The following CTSS variants were observed in gnomAD, a reference collection of about 807,000 sequenced individuals.
CTSS encodes the protein cathepsin S.
Under a neutral mutation model 39.9 loss-of-function variants are expected in CTSS, and 15 were observed. That is an observed-to-expected ratio of 0.38 (90% CI 0.25 to 0.58). The LOEUF is 0.58. Among genes scored for constraint, CTSS ranks in the 20% least tolerant of loss-of-function variants. The pLI is 0.70. For missense variants in CTSS, 250 were observed against 398.2 expected (o/e 0.63, Z 3.17); for synonymous variants, 126 against 138.2 (o/e 0.91, Z 0.62).
intron 4 of CTSS, among the ~76,000 whole-genome samples, chr1:150,754,515 C>T (rs2101922403): frequency 6.6e-6 from 1 of 151,302 alleles, no homozygotes; most frequent in African/African-American, 2.4e-5. Flanking sequence ...GCAACCTCTG[C>T]CTCCCAGGTT....
intron 7 of CTSS, among the ~76,000 whole-genome samples, chr1:150,733,413 T>C (rs189794717): frequency 6.6e-5 from 10 of 152,232 alleles, no homozygotes; most frequent in African/African-American, 2.4e-4. Flanking sequence ...CCTCCTACTT[T>C]GCAAATATGC....
At chr1:150,755,357 G>A (rs1168440899) in intron 3 of CTSS, among the ~76,000 whole-genome samples, 1 of 152,152 alleles carries the variant, frequency 6.6e-6, no homozygotes, top group Non-Finnish European at 1.5e-5. Flanking sequence ...TGTACTGAAG[G>A]TTGTAGGCAA....
At chr1:150,761,575 T>C (rs764344257) in intron 2 of CTSS, among the ~76,000 whole-genome samples, 2 of 150,452 alleles carry the variant, frequency 1.3e-5, no homozygotes, top group African/African-American at 2.4e-5. Flanking sequence ...CTACTAAAAA[T>C]ACAAAATTAC....
intron 7 of CTSS, among the ~76,000 whole-genome samples, chr1:150,746,563 A>G (rs1484868208): frequency 1.3e-5 from 2 of 152,176 alleles, no homozygotes; most frequent in African/African-American, 2.4e-5. Context: ...TCCAGTATGC[A>G]TAGGACATTT....
chr1:150,756,101 T>A (rs1014927237), intron 3 of CTSS, among the ~76,000 whole-genome samples: 16 of 152,212 alleles, frequency 1.1e-4, no homozygotes, highest in African/African-American at 3.9e-4. Context: ...TTTAATTTTT[T>A]AAAAGTTTTT....
At chr1:150,736,326 A>C (rs587648916) in intron 7 of CTSS, among the ~76,000 whole-genome samples, 5 of 152,322 alleles carry the variant, frequency 3.3e-5, no homozygotes. Flanking sequence ...GCTTGCCAAA[A>C]GTCACATAGA....
At chr1:150,747,681 C>T (rs766994154) in intron 7 of CTSS, 96 bp downstream of exon 7, 15 of 805,108 alleles carry the variant, frequency 1.9e-5, no homozygotes, top group Non-Finnish European at 3.2e-5. Flanking sequence ...TTGTCAATAT[C>T]GTGATCATAA....
chr1:150,735,128 T>C (rs1182268472), intron 7 of CTSS, among the ~76,000 whole-genome samples: 3 of 152,190 alleles, frequency 2.0e-5, no homozygotes, highest in Non-Finnish European at 4.4e-5. Flanking sequence ...GAGGAACATG[T>C]ACTTCAATTA....
At chr1:150,734,866 G>T (rs984671321) in intron 7 of CTSS, among the ~76,000 whole-genome samples, 2 of 152,038 alleles carry the variant, frequency 1.3e-5, no homozygotes, top group African/African-American at 4.8e-5. Context: ...CCTTGTAAGA[G>T]GAATGATTTC....
chr1:150,755,270 G>T (rs71624508), intron 3 of CTSS, 120 bp from the exon 4 acceptor site: 3 of 1,117,026 alleles, frequency 2.7e-6, no homozygotes, highest in Non-Finnish European at 3.9e-6. Context: ...CAAACCTAGA[G>T]CGTATTGGCT....
chr1:150,757,708 C>A (rs11204722), intron 3 of CTSS, 150 bp downstream of exon 3: 214,052 of 596,812 alleles, frequency 0.36, 39,730 homozygotes, highest in South Asian at 0.5. Flanking sequence ...TTTCTGTACA[C>A]GTTCTTACGT....
At chr1:150,740,050 C>T (rs1652716637) in intron 7 of CTSS, among the ~76,000 whole-genome samples, 1 of 152,142 alleles carries the variant, frequency 6.6e-6, no homozygotes, top group Non-Finnish European at 1.5e-5. Flanking sequence ...TTTTCATTTC[C>T]AATCGCTAGT....
chr1:150,755,629 A>G (rs773753322), intron 3 of CTSS, among the ~76,000 whole-genome samples: 34 of 152,148 alleles, frequency 2.2e-4, no homozygotes, highest in African/African-American at 6.3e-4. Context: ...AATCCCAGCT[A>G]TTTGGGAGGC....
At chr1:150,759,037 TA>T (rs151223618) in intron 2 of CTSS, among the ~76,000 whole-genome samples, 49,714 of 144,154 alleles carry the variant, frequency 0.34, 8,982 homozygotes, top group South Asian at 0.53. Flanking sequence ...ATTTTATTAT[TA>T]TTTTTTTTTT....
At chr1:150,741,189 A>T (rs952298852) in intron 7 of CTSS, among the ~76,000 whole-genome samples, 2 of 151,858 alleles carry the variant, frequency 1.3e-5, no homozygotes, top group Non-Finnish European at 2.9e-5. Context: ...TTGTTTATAG[A>T]GACTGGGTCT....
intron 7 of CTSS, among the ~76,000 whole-genome samples, chr1:150,741,307 T>C (rs888399702): frequency 1.3e-5 from 2 of 152,230 alleles, no homozygotes; most frequent in Non-Finnish European, 2.9e-5. Flanking sequence ...CTAATATTTA[T>C]ACTACATATA....
At chr1:150,753,065 G>A (rs1289131675) in intron 4 of CTSS, among the ~76,000 whole-genome samples, 2 of 151,886 alleles carry the variant, frequency 1.3e-5, no homozygotes, top group Admixed American at 1.3e-4. Context: ...ATATTGCCTA[G>A]GTTGGTTTCT....
At chr1:150,754,744 C>T (rs1368394848) in intron 4 of CTSS, among the ~76,000 whole-genome samples, 1 of 151,878 alleles carries the variant, frequency 6.6e-6, no homozygotes, top group East Asian at 1.9e-4. Context: ...TCATTTTTTT[C>T]TGGATATTTT....
In CTSS at chr1:150,761,196, A is replaced by G. The variant is rs587635810; in HGVS notation, c.127-3216T>C. Among the ~76,000 whole-genome samples, 121 of 142,094 alleles carry G rather than the reference A, an allele frequency of 8.5e-4. 1 individual carries two copies. The highest frequency in any genetic ancestry group is 2.2e-3 in the African/African-American group (86 of 39,256). 93.2% of individuals were successfully genotyped at this position (142,094 alleles called of 152,430 possible). ...TCCGCCTCAAAAAAAAAAAAAAAAAAAGAGAGAAGAAAGACTCCATCAAAA... is the reference window on the plus strand; with the variant it reads ...TCCGCCTCAAAAAAAAAAAAAAAAAGAGAGAGAAGAAAGACTCCATCAAAA... On this transcript the variant is annotated intron_variant, in intron 2 of 7. Coordinates refer to ENST00000368985, the MANE Select transcript of CTSS (RefSeq NM_004079.5).
Sources: gnomAD v4.1 joint callset for allele counts (sites outside exome capture counted in the v4.1 genomes callset) on GRCh38, gnomAD v4.1.1 for gene constraint, MANE v1.5 for transcripts, NCBI Gene and HGNC (gene_info 2026-07-23, HGNC 2026-07-21) for gene names.